Variants in FAM135B observed in about 807,000 individuals in gnomAD.
FAM135B encodes the protein family with sequence similarity 135 member B, also known as protein FAM135B.
In FAM135B, 43 loss-of-function variants were observed where a neutral mutation model predicts 127.7. That is an observed-to-expected ratio of 0.34 (90% CI 0.26 to 0.43). The LOEUF (loss-of-function observed/expected upper bound fraction) is 0.43, where lower values mean the gene tolerates loss of function less well. Among genes scored for constraint, FAM135B ranks in the 20% least tolerant of loss-of-function variants. The pLI, the probability that FAM135B is intolerant of heterozygous loss-of-function variation, is 1.00. For missense variants in FAM135B, 1,558 were observed against 1,725.6 expected (o/e 0.90, Z 1.72); for synonymous variants, 670 against 665.1 (o/e 1.01, Z -0.11).
intron 2 of FAM135B, among the ~76,000 whole-genome samples, chr8:138,327,228 G>T (rs16908829): frequency 0.027 from 4,165 of 152,252 alleles, 133 homozygotes; most frequent in East Asian, 0.16. Flanking sequence ...GTTCTTGCAA[G>T]TCAACCGTGT....
Position 138,270,066 on chromosome 8 carries a change from T to TGCTG in FAM135B, c.158-4228_158-4225dup, listed in dbSNP as rs573746563. ...GAATAATTTCCTGTAGTTGAGCATG[T>TGCTG]GCTGCCTAGCTCACAGGGTCATCGA... On this transcript the variant is annotated intron_variant, in intron 3 of 19. Transcript: ENST00000395297. Among the ~76,000 whole-genome samples, 713 of 152,320 alleles carry TGCTG rather than the reference T, an allele frequency of 4.7e-3. 4 individuals are homozygous for TGCTG. The highest frequency in any genetic ancestry group is 7.1e-3 in the Non-Finnish European group (482 of 68,016).
intron 1 of FAM135B, among the ~76,000 whole-genome samples, chr8:138,467,772 C>T (rs1425548495): frequency 6.6e-6 from 1 of 152,170 alleles, no homozygotes; most frequent in Admixed American, 6.5e-5. Flanking sequence ...AATTCATGTA[C>T]TTAGATTGGA....
chr8:138,172,302 T>A (rs916129984), intron 11 of FAM135B, among the ~76,000 whole-genome samples: 17 of 152,180 alleles, frequency 1.1e-4, no homozygotes, highest in Non-Finnish European at 4.4e-5. Context: ...CTTCACACAC[T>A]GCCCTCCAGC....
At chr8:138,478,083 G>A (rs1305477188) in intron 1 of FAM135B, among the ~76,000 whole-genome samples, 2 of 151,986 alleles carry the variant, frequency 1.3e-5, no homozygotes, top group Admixed American at 6.6e-5. Context: ...TTATTCCAGC[G>A]GAACCCCATG....
chr8:138,377,144 C>G (rs559381590), intron 1 of FAM135B, among the ~76,000 whole-genome samples: 1 of 152,056 alleles, frequency 6.6e-6, no homozygotes. Flanking sequence ...TTCTTTAAAA[C>G]GTGAATCTTC....
chr8:138,204,178 C>T (rs1314497038), intron 7 of FAM135B, among the ~76,000 whole-genome samples: 1 of 152,194 alleles, frequency 6.6e-6, no homozygotes, highest in East Asian at 1.9e-4. Flanking sequence ...TCCAGACTCA[C>T]CTGCTATCTC....
At chr8:138,462,146 A>C (rs1837161532) in intron 1 of FAM135B, among the ~76,000 whole-genome samples, 1 of 152,160 alleles carries the variant, frequency 6.6e-6, no homozygotes, top group Non-Finnish European at 1.5e-5. Context: ...AAAGTATTGC[A>C]TATCTATGTA....
At position 138,242,205 on chromosome 8, in the gene FAM135B, GTGT is replaced by G. The variant is rs1203146943; in HGVS notation, c.669+734_669+736del. ...TGTGTGTGTGTGTGTGTGTGTGTGTGTGTGTGTGTGTGTTCTATTGGCTGTATT... is the reference window on the plus strand; with the variant it reads ...TGTGTGTGTGTGTGTGTGTGTGTGTGGTGTGTGTGTTCTATTGGCTGTATT... On this transcript the variant is annotated intron_variant, in intron 7 of 19. Transcript: ENST00000395297. This position sits in a 1 kb window ranked among gnomAD's most constrained non-coding sequence, Gnocchi z 9.6. Among the ~76,000 whole-genome samples, 2 of 141,320 alleles carry G rather than the reference GTGT, an allele frequency of 1.4e-5. No individual in the cohort carries two copies. The highest frequency in any genetic ancestry group is 5.2e-5 in the African/African-American group (2 of 38,570). The allele number at this position is 141,320 out of a possible 152,430, so 92.7% of individuals were successfully genotyped here. A position where few individuals can be genotyped will look rare whatever the true frequency, so the allele number is the denominator to read the frequency against.
rs1024233302 is a variant in FAM135B, at chr8:138,171,833, G to A, written c.1104-3784C>T. Among the ~76,000 whole-genome samples, 9 of 152,194 alleles carry A rather than the reference G, an allele frequency of 5.9e-5. No individual in the cohort carries two copies. In the East Asian group the frequency reaches 7.7e-4, roughly 13 times the overall value. On this transcript the variant is annotated intron_variant, in intron 11 of 19. Coordinates refer to ENST00000395297, the MANE Select transcript of FAM135B (RefSeq NM_015912.4). ...TAGTGGGTTTCTTTACATGTGTGGT[G>A]TATGCAGGCATGTGGTTACGGGTGT... is the stretch of plus-strand genomic sequence containing the variant.
At chr8:138,181,696 CT>C (rs11417300) in intron 9 of FAM135B, among the ~76,000 whole-genome samples, 81,181 of 150,954 alleles carry the variant, frequency 0.54, 22,208 homozygotes, top group East Asian at 0.81. Flanking sequence ...CTCCTTGTTT[CT>C]TTTTTTTTTC....
At chr8:138,226,345 T>C (rs1389045627) in intron 7 of FAM135B, among the ~76,000 whole-genome samples, 4 of 151,878 alleles carry the variant, frequency 2.6e-5, no homozygotes, top group African/African-American at 9.7e-5. Context: ...CTAAGACAAA[T>C]GCACAAAAGG....
At chr8:138,339,381 A>G (rs1353982914) in intron 2 of FAM135B, among the ~76,000 whole-genome samples, 4 of 142,916 alleles carry the variant, frequency 2.8e-5, no homozygotes. Context: ...ATATATATAT[A>G]TATTTTAAAA....
intron 3 of FAM135B, among the ~76,000 whole-genome samples, chr8:138,268,405 A>G (rs1823109805): frequency 6.6e-6 from 1 of 152,156 alleles, no homozygotes; most frequent in South Asian, 2.1e-4. Context: ...AAGTCACCAA[A>G]TCCCGAGGTG....
chr8:138,491,564 G>C (rs529229464), intron 1 of FAM135B, among the ~76,000 whole-genome samples: 1 of 152,226 alleles, frequency 6.6e-6, no homozygotes, highest in East Asian at 1.9e-4. Context: ...TCAATGCTGG[G>C]ACCAGCATCT....
chr8:138,181,015 C>A (rs1266843915), intron 9 of FAM135B, among the ~76,000 whole-genome samples: 2 of 150,778 alleles, frequency 1.3e-5, no homozygotes, highest in Non-Finnish European at 3.0e-5. Context: ...CTGAGGCAGG[C>A]GGATCACGAG....
intron 17 of FAM135B, 79 bp from the exon 18 acceptor site, chr8:138,139,175 G>T: frequency 2.4e-6 from 2 of 822,576 alleles, no homozygotes; most frequent in Admixed American, 2.4e-5. Context: ...TTGGTGAGAT[G>T]AACGTTAAAC....
At chr8:138,394,360 A>G (rs566247692) in intron 1 of FAM135B, among the ~76,000 whole-genome samples, 1 of 152,116 alleles carries the variant, frequency 6.6e-6, no homozygotes, top group Admixed American at 6.5e-5. Flanking sequence ...CATCTCCTTC[A>G]ATCCCCCATT....
chr8:138,193,267 G>T (rs1411438314), intron 9 of FAM135B, among the ~76,000 whole-genome samples: 1 of 152,166 alleles, frequency 6.6e-6, no homozygotes, highest in East Asian at 1.9e-4. Context: ...AGATTAAAGG[G>T]GATTATACTG....
chr8:138,310,258 T>C (rs1216386572), intron 3 of FAM135B, among the ~76,000 whole-genome samples: 1 of 152,152 alleles, frequency 6.6e-6, no homozygotes, highest in Admixed American at 6.5e-5. Flanking sequence ...GTTAATATTA[T>C]GTCTGTCTTT....
Sources: gnomAD v4.1 joint callset for allele counts (sites outside exome capture counted in the v4.1 genomes callset) on GRCh38, gnomAD v4.1.1 for gene constraint, Gnocchi (gnomAD v3.1) non-coding constraint, MANE v1.5 for transcripts, NCBI Gene and HGNC (gene_info 2026-07-23, HGNC 2026-07-21) for gene names.